EXD3: variants seen among roughly 807,000 people sequenced by gnomAD.
EXD3 encodes the protein exonuclease mut-7 homolog.
EXD3 carries 92 observed loss-of-function variants against 98.0 expected under a neutral mutation model. The ratio of observed to expected loss-of-function variants is 0.94; its 90% CI spans 0.79 to 1.12. The LOEUF is 1.12. EXD3 is among the 50% of genes most tolerant of loss of function. EXD3 has a pLI of 0.00. For synonymous variants in EXD3, 569 were observed against 526.0 expected, an observed-to-expected ratio of 1.08 and a Z score of -1.12; for missense variants, 1,222 against 1,191.6, an observed-to-expected ratio of 1.03 and a Z score of -0.38.
chr9:137,383,815 C>T (rs1046845367), intron 2 of EXD3, among the ~76,000 whole-genome samples: 1 of 152,164 alleles, frequency 6.6e-6, no homozygotes, highest in South Asian at 2.1e-4. Flanking sequence ...GGTTTCGGTC[C>T]CCGGCCCTCC....
chr9:137,371,517 C>A lies in EXD3; in HGVS notation c.462+1388G>T, dbSNP rs548393521. On this transcript the variant is annotated intron_variant, in intron 5 of 21. Transcript: ENST00000340951. The surrounding 1 kb of genome is among the most constrained non-coding windows in gnomAD (Gnocchi z 8.0). ...AGAGGAACCCAGGGTGCCATCGGGA[C>A]GGCGTCTCAGCAGCAGGGTCCCACG... Among the ~76,000 whole-genome samples, 1 of 152,114 alleles carries A rather than the reference C, an allele frequency of 6.6e-6. No homozygotes were observed. The highest frequency in any genetic ancestry group is 6.5e-5 in the Admixed American group (1 of 15,288).
intron 17 of EXD3, among the ~76,000 whole-genome samples, chr9:137,337,952 T>C (rs1833447994): frequency 6.6e-6 from 1 of 152,022 alleles, no homozygotes; most frequent in African/African-American, 2.4e-5. Context: ...CATGCCCAGC[T>C]AATTTTTTGA....
intron 7 of EXD3, among the ~76,000 whole-genome samples, chr9:137,364,376 C>CT (rs1835119773): frequency 6.6e-6 from 1 of 152,036 alleles, no homozygotes; most frequent in Non-Finnish European, 1.5e-5. Context: ...AATCCCAGCA[C>CT]TTTGGGAGGC....
At chr9:137,412,311 G>C (rs920503724) in intron 1 of EXD3, among the ~76,000 whole-genome samples, 1 of 152,232 alleles carries the variant, frequency 6.6e-6, no homozygotes, top group Admixed American at 6.5e-5. Context: ...GATTAGAGAA[G>C]GGTCAATATC....
intron 19 of EXD3, among the ~76,000 whole-genome samples, chr9:137,314,869 C>G (rs1333488156): frequency 6.6e-6 from 1 of 152,198 alleles, no homozygotes; most frequent in Non-Finnish European, 1.5e-5. Context: ...CTCCGGAGGC[C>G]GGGTCTGGGC....
At chr9:137,390,119 C>CCA (rs1554732696) in intron 2 of EXD3, among the ~76,000 whole-genome samples, 1 of 23,382 alleles carries the variant, frequency 4.3e-5, no homozygotes, top group African/African-American at 1.8e-4. Context: ...GAGACTCTGT[C>CCA]AAAAAAAAAA....
At chr9:137,401,140 C>T (rs1837462523) in intron 1 of EXD3, among the ~76,000 whole-genome samples, 1 of 148,296 alleles carries the variant, frequency 6.7e-6, no homozygotes, top group African/African-American at 2.5e-5. Flanking sequence ...TGTGGGGGCT[C>T]CCACCCATTT....
At chr9:137,418,665 C>A (rs990012558) in intron 1 of EXD3, among the ~76,000 whole-genome samples, 1 of 151,930 alleles carries the variant, frequency 6.6e-6, no homozygotes, top group Non-Finnish European at 1.5e-5. Context: ...AGAAACAATT[C>A]TGTACGTGAG....
intron 1 of EXD3, among the ~76,000 whole-genome samples, chr9:137,398,751 AGACACACAGGCACCCGCGTCCCCGT>A (rs762956055): frequency 0.096 from 10,645 of 110,724 alleles, 1,075 homozygotes; most frequent in African/African-American, 0.15. Context: ...CGCGTCCCCG[AGACACACAGGCACCCGCGTCCCCGT>A]GACACACAGG....
At chr9:137,420,979 T>A (rs1297650855) in intron 1 of EXD3, among the ~76,000 whole-genome samples, 1 of 152,150 alleles carries the variant, frequency 6.6e-6, no homozygotes, top group Non-Finnish European at 1.5e-5. Flanking sequence ...TATGCCCAGG[T>A]AATTTTTAAA....
intron 1 of EXD3, among the ~76,000 whole-genome samples, chr9:137,397,108 A>G (rs1837255958): frequency 6.6e-6 from 1 of 152,248 alleles, no homozygotes; most frequent in African/African-American, 2.4e-5. Flanking sequence ...GAGGCCACAC[A>G]GCGCCTGACA....
rs1246804835 is a variant in EXD3 at position 137,393,393 on chromosome 9, G to T, written c.55+1910C>A. Among the ~76,000 whole-genome samples, 1 of 152,160 alleles carries T rather than the reference G, an allele frequency of 6.6e-6. No individual in the cohort carries two copies. The highest frequency in any genetic ancestry group is 1.5e-5 in the Non-Finnish European group (1 of 68,006). On this transcript the variant is annotated intron_variant, in intron 2 of 21. Coordinates refer to ENST00000340951, the MANE Select transcript of EXD3 (RefSeq NM_017820.5). The surrounding 1 kb of genome is among the most constrained non-coding windows in gnomAD (Gnocchi z 4.6). ...CCTCAGAGGAGGCGGTGGATGAACG[G>T]AAGGGTGAGGGGGTCTGGGCCCATC...
At chr9:137,317,433 G>C (rs921729616) in intron 19 of EXD3, among the ~76,000 whole-genome samples, 3 of 152,026 alleles carry the variant, frequency 2.0e-5, no homozygotes, top group Non-Finnish European at 4.4e-5. Flanking sequence ...AGTGGGTCTC[G>C]GCATGCTGCG....
intron 1 of EXD3, among the ~76,000 whole-genome samples, chr9:137,411,841 G>A (rs959031227): frequency 6.6e-6 from 1 of 152,160 alleles, no homozygotes; most frequent in Non-Finnish European, 1.5e-5. Flanking sequence ...AAGACGGACT[G>A]GAAGCCGGGC....
intron 17 of EXD3, among the ~76,000 whole-genome samples, chr9:137,339,248 A>T (rs1218518030): frequency 6.6e-6 from 1 of 152,154 alleles, no homozygotes; most frequent in Non-Finnish European, 1.5e-5. Context: ...TAATTTAAAC[A>T]TTACTCAGTT....
chr9:137,318,798 G>A (rs1462671329), intron 19 of EXD3, among the ~76,000 whole-genome samples: 1 of 152,196 alleles, frequency 6.6e-6, no homozygotes, highest in Admixed American at 6.5e-5. Context: ...GCGCCCAGGA[G>A]TCCCACCGCC....
chr9:137,421,803 A>C (rs1838529281), intron 1 of EXD3, among the ~76,000 whole-genome samples: 1 of 152,190 alleles, frequency 6.6e-6, no homozygotes, highest in East Asian at 1.9e-4. Flanking sequence ...GTGCCTCTGC[A>C]CTCCAGCATG....
rs565239181 is a variant in EXD3, at chr9:137,333,446, A to G, written c.1999-9303T>C. Among the ~76,000 whole-genome samples, 36 of 152,242 alleles carry G rather than the reference A, an allele frequency of 2.4e-4. No individual in the cohort carries two copies. The South Asian group carries it at 7.3e-3, about 31-fold the overall frequency. On this transcript the variant is annotated intron_variant, in intron 17 of 21. Coordinates refer to ENST00000340951, the MANE Select transcript of EXD3 (RefSeq NM_017820.5). ...CCTCTAGAGAACCCTGGCTGACACT[A>G]TACTACAAGGCTCTGTGGTATAATT...
At chr9:137,338,730 CAAAAA>C (rs773079416) in intron 17 of EXD3, among the ~76,000 whole-genome samples, 3,527 of 80,512 alleles carry the variant, frequency 0.044, 131 homozygotes, top group African/African-American at 0.14. Flanking sequence ...ACTAAAAATA[CAAAAA>C]AAAAAAAAAA....
Sources: gnomAD v4.1 joint callset for allele counts (sites outside exome capture counted in the v4.1 genomes callset) on GRCh38, gnomAD v4.1.1 for gene constraint, Gnocchi (gnomAD v3.1) non-coding constraint, MANE v1.5 for transcripts, NCBI Gene and HGNC (gene_info 2026-07-23, HGNC 2026-07-21) for gene names.